SERPINF1: variants seen among roughly 807,000 people sequenced by gnomAD.
SERPINF1 encodes the protein serpin family F member 1, also known as pigment epithelium-derived factor.
A neutral mutation model predicts 37.3 loss-of-function variants in SERPINF1; 29 were observed. The observed-to-expected ratio is 0.78, with a 90% confidence interval of 0.58 to 1.06. The LOEUF (loss-of-function observed/expected upper bound fraction) is 1.06, where lower values mean the gene tolerates loss of function less well. SERPINF1 is among the 50% of genes least tolerant of loss of function. The pLI is 0.00. For synonymous variants in SERPINF1, 281 were observed against 227.9 expected, an observed-to-expected ratio of 1.23 and a Z score of -2.10; for missense variants, 553 against 532.2, an observed-to-expected ratio of 1.04 and a Z score of -0.38.
Position 1,775,148 on chromosome 17 carries a change from C to T in SERPINF1, c.734C>T (p.Ser245Leu), listed in dbSNP as rs374677194. ...AGGACCGTGAGGGTCCCCATGATGT[C>T]GGACCCTAAGGCTGTTTTACGCTAT... Reference protein sequence around the residue: ...EERTVRVPMMSDPKAVLRYGL... With the variant: ...EERTVRVPMMLDPKAVLRYGL... The change falls in exon 6 of 8, where the codon TCG becomes TTG. Residue 245 changes from serine to leucine, a missense_variant. Transcript: ENST00000254722. 10 of 1,612,770 alleles carry T rather than the reference C, an allele frequency of 6.2e-6. No individual in the cohort carries two copies. Among genetic ancestry groups the T allele is most frequent in the Middle Eastern group, 1.6e-4 (1 of 6,078 alleles).
chr17:1,774,872 T>G (rs1017610433), intron 5 of SERPINF1, among the ~76,000 whole-genome samples, 186 bp from the exon 6 acceptor site: 6 of 152,136 alleles, frequency 3.9e-5, no homozygotes, highest in Non-Finnish European at 7.3e-5. Context: ...CTTGGGGTCC[T>G]GGAAATAACT....
chr17:1,767,202 C>T (rs1597347649), intron 2 of SERPINF1, among the ~76,000 whole-genome samples: 1 of 152,288 alleles, frequency 6.6e-6, no homozygotes, highest in South Asian at 2.1e-4. Flanking sequence ...TGAATAAGAT[C>T]CCAAAAGAGT....
intron 2 of SERPINF1, 22 bp downstream of exon 2, chr17:1,767,016 G>A (rs1281524750): frequency 2.6e-6 from 4 of 1,543,920 alleles, no homozygotes; most frequent in East Asian, 2.5e-5. Context: ...GGCGGGGAGG[G>A]CGTGGTCAGC....
chr17:1,774,542 C>T (rs943390401), intron 5 of SERPINF1, among the ~76,000 whole-genome samples: 17 of 151,994 alleles, frequency 1.1e-4, no homozygotes, highest in Admixed American at 6.6e-5. Flanking sequence ...ATGTTGGCCA[C>T]GCTGGTCTCA....
intron 5 of SERPINF1, among the ~76,000 whole-genome samples, chr17:1,774,790 C>T (rs1238201455): frequency 6.6e-6 from 1 of 152,156 alleles, no homozygotes; most frequent in Admixed American, 6.6e-5. Context: ...CAGGCTATCA[C>T]AGAACGTGTA....
rs1597352466 is a variant in SERPINF1, at chr17:1,772,050, CCTT to C, written c.621_623del (p.Leu208del). 1.9e-6 allele frequency: 3 copies of C among 1,613,778 alleles called. No homozygotes were observed. Among genetic ancestry groups the C allele is most frequent in the Non-Finnish European group, 2.5e-6 (3 of 1,179,984 alleles). On this transcript the variant is annotated inframe_deletion, in exon 5 of 8. Transcript: ENST00000254722. ...AAATTCCCGATGAGATCAGCATTCT[CCTT>C]CTCGGTGTGGCGCACTTCAAGGGTG...
At chr17:1,775,750 T>G (rs1356827645) in intron 6 of SERPINF1, among the ~76,000 whole-genome samples, 2 of 152,148 alleles carry the variant, frequency 1.3e-5, no homozygotes, top group African/African-American at 4.8e-5. Context: ...GTCAGGCTGG[T>G]CTCAAACTCC....
At chr17:1,770,950 A>G (rs1907687141) in intron 3 of SERPINF1, 79 bp from the exon 4 acceptor site, 1 of 1,558,500 alleles carries the variant, frequency 6.4e-7, no homozygotes, top group African/African-American at 1.4e-5. Context: ...AGATGAGTAT[A>G]GTGTCTGTGT....
At chr17:1,764,691 C>T (rs1567751487) in intron 1 of SERPINF1, among the ~76,000 whole-genome samples, 1 of 152,206 alleles carries the variant, frequency 6.6e-6, no homozygotes, top group Admixed American at 6.5e-5. Context: ...ACACAACGTC[C>T]TCCCAAATTT....
intron 2 of SERPINF1, among the ~76,000 whole-genome samples, chr17:1,767,296 C>T (rs1350983771): frequency 6.6e-6 from 1 of 152,188 alleles, no homozygotes; most frequent in Non-Finnish European, 1.5e-5. Flanking sequence ...GCATGCACCA[C>T]CAAGCCCGGC....
chr17:1,773,576 G>C (rs1231447641), intron 5 of SERPINF1, among the ~76,000 whole-genome samples: 1 of 152,212 alleles, frequency 6.6e-6, no homozygotes, highest in Non-Finnish European at 1.5e-5. Flanking sequence ...TCCCAGCTCT[G>C]CCTGTACTAG....
intron 4 of SERPINF1, 177 bp from the exon 5 acceptor site, chr17:1,771,694 GC>G: frequency 1.5e-6 from 1 of 672,754 alleles, no homozygotes; most frequent in Non-Finnish European, 2.7e-6. Flanking sequence ...GAAATCTGCT[GC>G]CCCCCTGGCC....
intron 5 of SERPINF1, among the ~76,000 whole-genome samples, chr17:1,772,574 T>G (rs867287686): frequency 5.4e-5 from 7 of 129,898 alleles, no homozygotes; most frequent in African/African-American, 1.8e-4. Flanking sequence ...TTATTTATTT[T>G]TTGAGACAGA....
At chr17:1,766,850 G>C (rs1205258953) in intron 1 of SERPINF1, 53 bp from the exon 2 acceptor site, 1 of 1,506,204 alleles carries the variant, frequency 6.6e-7, no homozygotes, top group African/African-American at 1.4e-5. Context: ...AGGGGTAGCG[G>C]GGCAGTGCAG....
At chr17:1,762,898 G>C (rs1285248938) in intron 1 of SERPINF1, 2 of 152,284 alleles carry the variant, frequency 1.3e-5, no homozygotes, top group Non-Finnish European at 2.9e-5. Flanking sequence ...GTCTCAGCAG[G>C]ATTCCCAGAA....
Position 1,771,084 on chromosome 17 carries a change from CA to C in SERPINF1, c.340del (p.Ser114AlafsTer37). On this transcript the variant is annotated frameshift_variant, in exon 4 of 8. Transcript: ENST00000254722. LOFTEE classifies it high-confidence loss of function. Reference protein sequence around the residue: ...IHRALYYDLISSPDIHGTYKE... With the variant: ...IHRALYYDLIXSPDIHGTYKE... The stretch of plus-strand genomic sequence containing the variant: ...ACCGGGCTCTCTACTATGACTTGAT[CA>C]GCAGCCCAGACATCCATGGTACCTA... The C allele has an allele frequency of 6.2e-7, 1 of 1,614,108 alleles. No homozygotes were observed. Among genetic ancestry groups the C allele is most frequent in the Non-Finnish European group, 8.5e-7 (1 of 1,180,006 alleles).
At chr17:1,767,040 C>T (rs753534591) in intron 2 of SERPINF1, 46 bp downstream of exon 2, 174 of 1,497,914 alleles carry the variant, frequency 1.2e-4, no homozygotes, top group Non-Finnish European at 1.5e-4. Context: ...CCCCGCCCCT[C>T]CTTGGCAGGC....
In SERPINF1 at chr17:1,771,026, C is replaced by T. The variant is rs113647473; in HGVS notation, c.284-3C>T. ...TCAACGTCCACATCCTTGTCTCTGGCAGGAGCGGAGCAGCGAACAGAATCC... is the reference window on the plus strand; with the variant it reads ...TCAACGTCCACATCCTTGTCTCTGGTAGGAGCGGAGCAGCGAACAGAATCC... On this transcript the variant is annotated splice_region_variant and splice_polypyrimidine_tract_variant and intron_variant, in intron 3 of 7. Coordinates refer to ENST00000254722, the MANE Select transcript of SERPINF1 (RefSeq NM_002615.7). 30 of 1,613,914 alleles carry T rather than the reference C, an allele frequency of 1.9e-5. No homozygotes were observed. Among genetic ancestry groups the T allele is most frequent in the Non-Finnish European group, 2.5e-5 (29 of 1,179,880 alleles).
chr17:1,777,551 G>T lies in SERPINF1; in HGVS notation c.*105G>T. 7.1e-7 allele frequency: 1 copy of T among 1,399,028 alleles called. No individual in the cohort carries two copies. Among genetic ancestry groups the T allele is most frequent in the Non-Finnish European group, 1.0e-6 (1 of 993,362 alleles). The allele number at this position is 1,399,028 out of a possible 1,614,324, so 86.7% of individuals were successfully genotyped here. On this transcript the variant is annotated 3_prime_UTR_variant, in exon 8 of 8. Transcript: ENST00000254722. ...TAAGGTTTCAATGCATACAATAAAA[G>T]AGCTTTATCCCTAACTTCTGTTACT...
Sources: gnomAD v4.1 joint callset for allele counts (sites outside exome capture counted in the v4.1 genomes callset) on GRCh38, gnomAD v4.1.1 for gene constraint, MANE v1.5 for transcripts, NCBI Gene and HGNC (gene_info 2026-07-23, HGNC 2026-07-21) for gene names.